CCDC88C: variants seen among roughly 807,000 people sequenced by gnomAD.
CCDC88C encodes the protein protein Daple.
Under a neutral mutation model 198.8 loss-of-function variants are expected in CCDC88C, and 131 were observed. The ratio of observed to expected loss-of-function variants is 0.66; its 90% confidence interval spans 0.57 to 0.76. The LOEUF (loss-of-function observed/expected upper bound fraction) is 0.76. Among genes scored for constraint, CCDC88C ranks in the 30% least tolerant of loss-of-function variants. The pLI is 0.00. For missense variants in CCDC88C, 2,553 were observed against 2,631.6 expected (o/e 0.97, Z 0.65); for synonymous variants, 1,166 against 1,114.7 (o/e 1.05, Z -0.92).
chr14:91,345,901 G>A (rs1261755990), intron 4 of CCDC88C, among the ~76,000 whole-genome samples: 1 of 151,938 alleles, frequency 6.6e-6, no homozygotes, highest in Non-Finnish European at 1.5e-5. Flanking sequence ...AAAATGGCCT[G>A]GGTAATGTGC....
Position 91,289,092 on chromosome 14 carries a change from C to G in CCDC88C, c.4441+13G>C. ...CTTCCTCACCCGACCACGGCCAGGA[C>G]GGCCGCCCCTACCTTTCCCCACAGA... On this transcript the variant is annotated intron_variant, in intron 25 of 29. Coordinates refer to ENST00000389857, the MANE Select transcript of CCDC88C (RefSeq NM_001080414.4). 1 of 1,605,938 alleles carries G rather than the reference C, an allele frequency of 6.2e-7. No homozygotes were observed. The highest frequency in any genetic ancestry group is 8.5e-7 in the Non-Finnish European group (1 of 1,177,100).
At chr14:91,293,769 G>A (rs1347338829) in intron 23 of CCDC88C, among the ~76,000 whole-genome samples, 2 of 152,092 alleles carry the variant, frequency 1.3e-5, no homozygotes, top group Non-Finnish European at 2.9e-5. Context: ...AACTGGTTCT[G>A]TGCACCTCAC....
At position 91,343,287 on chromosome 14, in the gene CCDC88C, G is replaced by A. The variant is rs1012973844; in HGVS notation, c.399+312C>T. ...AAAACTTTATTTACAAATACAGGCA[G>A]CAAGTCAGATCTGGCCCACAAGCTG... On this transcript the variant is annotated intron_variant, in intron 5 of 29. Coordinates refer to ENST00000389857, the MANE Select transcript of CCDC88C (RefSeq NM_001080414.4). Among the ~76,000 whole-genome samples, 7 of 152,192 alleles carry A rather than the reference G, an allele frequency of 4.6e-5. No homozygotes were observed. The East Asian group carries it at 1.2e-3, about 25-fold the overall frequency.
chr14:91,322,285 G>C (rs1195959653), intron 12 of CCDC88C, among the ~76,000 whole-genome samples: 1 of 152,210 alleles, frequency 6.6e-6, no homozygotes, highest in Non-Finnish European at 1.5e-5. Context: ...GTGTGGTTCA[G>C]ATTCCCCGGG....
At chr14:91,360,943 C>T (rs1051771496) in intron 3 of CCDC88C, among the ~76,000 whole-genome samples, 2 of 151,874 alleles carry the variant, frequency 1.3e-5, no homozygotes, top group Admixed American at 6.6e-5. Flanking sequence ...GCCTGGAGTT[C>T]AAGACAAGCC....
At chr14:91,417,546 G>T in intron 1 of CCDC88C, 85 bp downstream of exon 1, 1 of 1,327,370 alleles carries the variant, frequency 7.5e-7, no homozygotes, top group Non-Finnish European at 1.0e-6. Context: ...CGGGGCCCCG[G>T]CCGTGTCGGG....
At position 91,303,946 on chromosome 14, in the gene CCDC88C, T is replaced by G. The variant is rs746230698; in HGVS notation, c.3390A>C (p.Ala1130=). The part of the protein sequence containing the change: ...VENSTLSSQS[A]ALTAQYTLLQ... ...GCAGCGTGTACTGCGCGGTGAGCGC[T>G]GCGCTCTGGGAACTCAGCGTGGAGT... is the stretch of plus-strand genomic sequence containing the variant. Residue 1130 remains alanine (A), a synonymous_variant, in exon 20 of 30, where the codon GCA becomes GCC. Coordinates refer to ENST00000389857, the MANE Select transcript of CCDC88C (RefSeq NM_001080414.4). 9.3e-6 allele frequency: 15 copies of G among 1,608,494 alleles called. No homozygotes were observed. Among genetic ancestry groups the G allele is most frequent in the Non-Finnish European group, 1.2e-5 (14 of 1,179,140 alleles).
intron 3 of CCDC88C, among the ~76,000 whole-genome samples, chr14:91,402,726 C>CA (rs1886278086): frequency 6.6e-6 from 1 of 152,054 alleles, no homozygotes; most frequent in African/African-American, 2.4e-5. Context: ...AGGTCTCAAG[C>CA]AAATATGGAA....
intron 3 of CCDC88C, among the ~76,000 whole-genome samples, chr14:91,368,133 C>G (rs548557236): frequency 6.6e-6 from 1 of 152,258 alleles, no homozygotes; most frequent in South Asian, 2.1e-4. Flanking sequence ...TTTTAAAAAC[C>G]TCTTTTGTGG....
At chr14:91,361,637 T>G (rs1471385195) in intron 3 of CCDC88C, among the ~76,000 whole-genome samples, 1 of 152,200 alleles carries the variant, frequency 6.6e-6, no homozygotes, top group African/African-American at 2.4e-5. Context: ...CATGTCACCG[T>G]GTCAGCAACG....
Position 91,307,174 on chromosome 14 carries a change from A to C in CCDC88C, c.3059T>G (p.Leu1020Trp). Residue 1020 changes from leucine (L) to tryptophan (W), a missense_variant, in exon 18 of 30, where the codon TTG (leucine) becomes TGG (tryptophan). Physicochemically the swap from Leu to Trp is moderately conservative, Grantham distance 61. Transcript: ENST00000389857. ...CGCAGGGTGCTTGAAAGAGTTCTGCAAGTGCTGCCCCTCTCCCTGGTTCTG... is the reference window on the plus strand; with the variant it reads ...CGCAGGGTGCTTGAAAGAGTTCTGCCAGTGCTGCCCCTCTCCCTGGTTCTG... The part of the protein sequence containing the change: ...LRQNQGEGQH[L>W]QNSFKHPAGK... The C allele has an allele frequency of 6.2e-7, 1 of 1,613,858 alleles. No homozygotes were observed. The highest frequency in any genetic ancestry group is 8.5e-7 in the Non-Finnish European group (1 of 1,179,866).
chr14:91,379,815 T>A (rs1458138006), intron 3 of CCDC88C: 1 of 702,998 alleles, frequency 1.4e-6, no homozygotes. Context: ...TGGGTTTGTT[T>A]GAAGCCAATG....
intron 17 of CCDC88C, 59 bp downstream of exon 17, chr14:91,308,292 T>C: frequency 6.3e-7 from 1 of 1,599,900 alleles, no homozygotes; most frequent in Non-Finnish European, 8.5e-7. Flanking sequence ...GGTGAGGGGC[T>C]GGAAAGGGTG....
At position 91,376,418 on chromosome 14, in the gene CCDC88C, G is replaced by T. The variant is rs8013903; in HGVS notation, c.271-16707C>A. Reference sequence around the variant, plus strand: ...CGTCCCCTCAAGGCATGTGCTAGGAGCCAGGGCGTTATAGTGAATGGAAAC... The same window carrying T: ...CGTCCCCTCAAGGCATGTGCTAGGATCCAGGGCGTTATAGTGAATGGAAAC... On this transcript the variant is annotated intron_variant, in intron 3 of 29. Coordinates refer to ENST00000389857, the MANE Select transcript of CCDC88C (RefSeq NM_001080414.4). Among the ~76,000 whole-genome samples the T allele has an allele frequency of 6.8e-3, 1,034 of 152,274 alleles. 17 individuals are homozygous for T. The highest frequency in any genetic ancestry group is 0.024 in the African/African-American group (979 of 41,554).
At chr14:91,384,791 C>G (rs1417204127) in intron 3 of CCDC88C, among the ~76,000 whole-genome samples, 2 of 152,162 alleles carry the variant, frequency 1.3e-5, no homozygotes, top group African/African-American at 4.8e-5. Flanking sequence ...ACTCCGGATC[C>G]TGGAGTCCTC....
Position 91,381,926 on chromosome 14 carries a change from C to T in CCDC88C, c.271-22215G>A, listed in dbSNP as rs969051363. 1.3e-5 allele frequency among the ~76,000 whole-genome samples: 2 copies of T among 152,192 alleles called. No individual in the cohort carries two copies. The highest frequency in any genetic ancestry group is 2.1e-4 in the South Asian group (1 of 4,824). On this transcript the variant is annotated intron_variant, in intron 3 of 29. Transcript: ENST00000389857. The surrounding 1 kb of genome is among the most constrained non-coding windows in gnomAD (Gnocchi z 4.2). ...CCTGCCTCCTTCTTGATGCCTTCCA[C>T]GGTGTATTTTCTGAACAGCCCATTT...
intron 13 of CCDC88C, among the ~76,000 whole-genome samples, chr14:91,320,405 C>T (rs960952483): frequency 1.3e-5 from 2 of 152,234 alleles, no homozygotes; most frequent in Admixed American, 1.3e-4. Flanking sequence ...GAGGGGCACC[C>T]GCAGAGGACA....
At chr14:91,295,634 A>G (rs1890969420) in intron 22 of CCDC88C, among the ~76,000 whole-genome samples, 1 of 152,192 alleles carries the variant, frequency 6.6e-6, no homozygotes, top group South Asian at 2.1e-4. Context: ...CGGGCAACAA[A>G]CCAACCCAAT....
rs1893167050 is a variant in CCDC88C at position 91,338,662 on chromosome 14, A to G, written c.810-92T>C. On this transcript the variant is annotated intron_variant, in intron 8 of 29. Transcript: ENST00000389857. The surrounding 1 kb of genome is among the most constrained non-coding windows in gnomAD (Gnocchi z 4.8). ...CTGCCACTTCCTAAAACCTGTGGGA[A>G]AAGGAAAGGACTCGGGATTTGGGCG... is the stretch of plus-strand genomic sequence containing the variant. 5.3e-6 allele frequency: 5 copies of G among 943,616 alleles called. No homozygotes were observed. The highest frequency in any genetic ancestry group is 8.3e-6 in the Non-Finnish European group (5 of 599,558). The allele number at this position is 943,616 out of a possible 1,614,324, so 58.5% of individuals were successfully genotyped here. A position where few individuals can be genotyped will look rare whatever the true frequency, so the allele number is the denominator to read the frequency against.
Sources: gnomAD v4.1 joint callset for allele counts (sites outside exome capture counted in the v4.1 genomes callset) on GRCh38, gnomAD v4.1.1 for gene constraint, Gnocchi (gnomAD v3.1) non-coding constraint, MANE v1.5 for transcripts, NCBI Gene and HGNC (gene_info 2026-07-23, HGNC 2026-07-21) for gene names.